Variants in CLINT1 observed in about 807,000 individuals in gnomAD.
CLINT1 encodes the protein clathrin interactor 1.
Under a neutral mutation model 70.4 loss-of-function variants are expected in CLINT1, and 15 were observed. That is an observed-to-expected ratio of 0.21 (90% CI 0.14 to 0.33). The LOEUF is 0.33. CLINT1 is among the 10% of genes least tolerant of loss of function. The pLI is 1.00. For synonymous variants in CLINT1, 227 were observed against 254.7 expected, an observed-to-expected ratio of 0.89 and a Z score of 1.04; for missense variants, 615 against 778.1, an observed-to-expected ratio of 0.79 and a Z score of 2.49.
intron 8 of CLINT1, chr5:157,795,195 T>C (rs1035906267): frequency 7.9e-6 from 4 of 503,778 alleles, no homozygotes; most frequent in South Asian, 6.2e-5. Context: ...GTAAGATAAA[T>C]GACACTGTAT....
intron 5 of CLINT1, among the ~76,000 whole-genome samples, chr5:157,810,151 T>C (rs1762510910): frequency 6.6e-6 from 1 of 152,224 alleles, no homozygotes; most frequent in Admixed American, 6.5e-5. Context: ...ATCTTTCTGT[T>C]TTCACAAAAG....
intron 6 of CLINT1, among the ~76,000 whole-genome samples, chr5:157,807,879 A>G (rs138178349): frequency 3.9e-5 from 6 of 152,286 alleles, no homozygotes; most frequent in African/African-American, 1.2e-4. Flanking sequence ...GTTTATAAGT[A>G]AAACCTAAGA....
At chr5:157,810,113 A>G (rs1762508909) in intron 5 of CLINT1, among the ~76,000 whole-genome samples, 1 of 152,230 alleles carries the variant, frequency 6.6e-6, no homozygotes, top group African/African-American at 2.4e-5. Flanking sequence ...AAACCAACAC[A>G]AGCTATATAA....
chr5:157,855,994 A>G (rs1006013833), intron 1 of CLINT1, among the ~76,000 whole-genome samples: 8 of 152,152 alleles, frequency 5.3e-5, no homozygotes, highest in Non-Finnish European at 1.2e-4. Context: ...TGAATCTAAG[A>G]GTGGCTCCAG....
intron 1 of CLINT1, among the ~76,000 whole-genome samples, chr5:157,829,960 T>G (rs1763170745): frequency 6.6e-6 from 1 of 152,112 alleles, no homozygotes; most frequent in South Asian, 2.1e-4. Context: ...CTTTTCTTCT[T>G]TCTTTAGAGA....
chr5:157,838,148 T>C (rs989524964), intron 1 of CLINT1, among the ~76,000 whole-genome samples: 1 of 134,910 alleles, frequency 7.4e-6, no homozygotes, highest in Non-Finnish European at 1.6e-5. Context: ...TGAGATGGAG[T>C]CTTGCTCTGT....
At chr5:157,846,631 C>A (rs1753389920) in intron 1 of CLINT1, among the ~76,000 whole-genome samples, 1 of 152,232 alleles carries the variant, frequency 6.6e-6, no homozygotes, top group Admixed American at 6.5e-5. Flanking sequence ...TTACACTAAA[C>A]AGATTTTCAA....
In CLINT1 at chr5:157,787,311, C is replaced by A. The variant is rs1403578861; in HGVS notation, c.*335G>T. 4.4e-5 allele frequency: 10 copies of A among 228,862 alleles called. No homozygotes were observed. Among genetic ancestry groups the A allele is most frequent in the Non-Finnish European group, 6.8e-5 (8 of 117,134 alleles). 14.2% of individuals were successfully genotyped at this position (228,862 alleles called of 1,614,324 possible). On this transcript the variant is annotated 3_prime_UTR_variant, in exon 12 of 12. Coordinates refer to ENST00000411809, the MANE Select transcript of CLINT1 (RefSeq NM_014666.4). Reference sequence around the variant, plus strand: ...AAAAGAAAGTATAAAATTAGAGATTCAAACACATTTATTCAGCCCTATTCC... The same window carrying A: ...AAAAGAAAGTATAAAATTAGAGATTAAAACACATTTATTCAGCCCTATTCC...
intron 1 of CLINT1, among the ~76,000 whole-genome samples, chr5:157,845,010 T>C (rs866417912): frequency 2.1e-4 from 32 of 152,290 alleles, no homozygotes; most frequent in African/African-American, 7.5e-4. Flanking sequence ...GATAGGTGCA[T>C]ATGTGGAAAA....
intron 1 of CLINT1, among the ~76,000 whole-genome samples, chr5:157,848,808 C>G (rs925249240): frequency 6.6e-6 from 1 of 152,170 alleles, no homozygotes; most frequent in Non-Finnish European, 1.5e-5. Context: ...ATCACAGGCG[C>G]CCGCCACCAC....
intron 5 of CLINT1, among the ~76,000 whole-genome samples, chr5:157,810,407 T>G (rs755511961): frequency 6.6e-6 from 1 of 152,224 alleles, no homozygotes; most frequent in Admixed American, 6.5e-5. Context: ...AGGATTACTC[T>G]AACTACCAAA....
At chr5:157,856,877 T>G (rs1753775774) in intron 1 of CLINT1, among the ~76,000 whole-genome samples, 2 of 152,174 alleles carry the variant, frequency 1.3e-5, no homozygotes, top group Non-Finnish European at 2.9e-5. Flanking sequence ...AGATAACTAC[T>G]TACATGGCAA....
chr5:157,797,039 G>T (rs1033486222), intron 8 of CLINT1, among the ~76,000 whole-genome samples: 3 of 152,026 alleles, frequency 2.0e-5, no homozygotes, highest in African/African-American at 7.3e-5. Context: ...CTTCCTTAAA[G>T]GTACATACAT....
rs749786058 is a variant in CLINT1, at chr5:157,813,075, C to T, written c.505G>A (p.Gly169Arg). 3 of 1,613,720 alleles carry T rather than the reference C, an allele frequency of 1.9e-6. No homozygotes were observed. Among genetic ancestry groups the T allele is most frequent in the Non-Finnish European group, 2.5e-6 (3 of 1,179,762 alleles). ...CTTTGATACTCACTGTATCTGAATC[C>T]TCCAACACTGTCTGAGGAAACCCCA... ...YVGVSSDSVG[G>R]FRYSERYDPE... The change falls in exon 5 of 12, where the codon GGA (glycine) becomes AGA (arginine). Residue 169 changes from glycine (G) to arginine (R), a missense_variant. Gly to Arg is a moderately radical substitution (Grantham distance 125). This residue lies in a region of CLINT1 where 241 missense variants were observed against 368.6 expected (regional missense o/e 0.65). Coordinates refer to ENST00000411809, the MANE Select transcript of CLINT1 (RefSeq NM_014666.4).
chr5:157,813,278 A>G, intron 4 of CLINT1, 51 bp from the exon 5 acceptor site: 4 of 1,478,320 alleles, frequency 2.7e-6, no homozygotes, highest in Non-Finnish European at 3.6e-6. Context: ...CTTAATATGT[A>G]TCAAGCTCTT....
intron 8 of CLINT1, chr5:157,795,270 G>C: frequency 3.5e-6 from 1 of 284,516 alleles, no homozygotes; most frequent in South Asian, 7.7e-5. Flanking sequence ...AACTTATCTA[G>C]CCAATTATGC....
chr5:157,825,485 T>A (rs1215657900), intron 1 of CLINT1, among the ~76,000 whole-genome samples: 1 of 152,146 alleles, frequency 6.6e-6, no homozygotes, highest in African/African-American at 2.4e-5. Context: ...AGCCCCATAA[T>A]ACTTTTTAAA....
At chr5:157,831,171 C>T (rs1763231473) in intron 1 of CLINT1, among the ~76,000 whole-genome samples, 1 of 150,182 alleles carries the variant, frequency 6.7e-6, no homozygotes, top group Non-Finnish European at 1.5e-5. Flanking sequence ...AAACAGCTTT[C>T]TTTTTTCTTC....
Position 157,859,127 on chromosome 5 carries a change from C to T in CLINT1, c.-157G>A, listed in dbSNP as rs918973581. 5.8e-6 allele frequency: 4 copies of T among 685,444 alleles called. No homozygotes were observed. Among genetic ancestry groups the T allele is most frequent in the Non-Finnish European group, 9.2e-6 (4 of 432,724 alleles). 42.5% of individuals were successfully genotyped at this position (685,444 alleles called of 1,614,324 possible). A position where few individuals can be genotyped will look rare whatever the true frequency, so the allele number is the denominator to read the frequency against. The stretch of plus-strand genomic sequence containing the variant: ...TCCTTTGCCACAGCAGCGGCGCCGC[C>T]GGTGACACGTCGAGACGCGGCAGCA... On this transcript the variant is annotated 5_prime_UTR_variant, in exon 1 of 12. Transcript: ENST00000411809.
Sources: gnomAD v4.1 joint callset for allele counts (sites outside exome capture counted in the v4.1 genomes callset) on GRCh38, gnomAD v4.1.1 for gene constraint, gnomAD v4.1.1 regional missense constraint, MANE v1.5 for transcripts, NCBI Gene and HGNC (gene_info 2026-07-23, HGNC 2026-07-21) for gene names.